AHCTF1: variants seen among roughly 807,000 people sequenced by gnomAD.
AHCTF1 encodes the protein protein ELYS.
Under a neutral mutation model 248.4 loss-of-function variants are expected in AHCTF1, and 24 were observed. The observed-to-expected ratio is 0.10, with a 90% CI of 0.07 to 0.14. AHCTF1 has a LOEUF of 0.14. Among genes scored for constraint, AHCTF1 ranks in the 10% least tolerant of loss-of-function variants. The pLI, the probability that AHCTF1 is intolerant of heterozygous loss-of-function variation, is 1.00. For synonymous variants in AHCTF1, 786 were observed against 929.8 expected, an observed-to-expected ratio of 0.85 and a Z score of 2.81; for missense variants, 2,206 against 2,636.2, an observed-to-expected ratio of 0.84 and a Z score of 3.57.
chr1:246,873,121 A>T (rs1337002494), intron 24 of AHCTF1, among the ~76,000 whole-genome samples: 3 of 152,202 alleles, frequency 2.0e-5, no homozygotes, highest in Non-Finnish European at 2.9e-5. Flanking sequence ...CCAGTCTCTG[A>T]TCTCAAGCTT....
chr1:246,931,414 C>T (rs1572489926), intron 1 of AHCTF1, 164 bp downstream of exon 1: 2 of 1,472,552 alleles, frequency 1.4e-6, no homozygotes, highest in East Asian at 5.2e-5. Flanking sequence ...CGCTCGCCCC[C>T]TCGAGCCCCA....
intron 24 of AHCTF1, among the ~76,000 whole-genome samples, chr1:246,873,278 T>C (rs904731295): frequency 1.1e-4 from 17 of 152,166 alleles, no homozygotes; most frequent in Non-Finnish European, 1.9e-4. Context: ...AATCACCATA[T>C]AAAAAAATAG....
intron 15 of AHCTF1, 44 bp downstream of exon 15, chr1:246,891,735 G>A (rs1274483541): frequency 6.3e-7 from 1 of 1,593,022 alleles, no homozygotes; most frequent in East Asian, 2.3e-5. Context: ...TAGTCAAGAA[G>A]TAAAATTTAA....
intron 34 of AHCTF1, among the ~76,000 whole-genome samples, chr1:246,843,083 T>C (rs1203451106): frequency 1.3e-5 from 2 of 152,006 alleles, no homozygotes; most frequent in Non-Finnish European, 2.9e-5. Context: ...TTCTAAGAAG[T>C]AGACAACCAG....
intron 7 of AHCTF1, among the ~76,000 whole-genome samples, chr1:246,903,134 C>T (rs532133843): frequency 6.6e-6 from 1 of 152,278 alleles, no homozygotes; most frequent in South Asian, 2.1e-4. Flanking sequence ...TTTACTGATT[C>T]CCTGAAACCC....
rs762918430 is a variant in AHCTF1 at position 246,913,374 on chromosome 1, G to A, written c.414C>T (p.Ala138=). 3 of 1,613,096 alleles carry A rather than the reference G, an allele frequency of 1.9e-6. No individual in the cohort carries two copies. The highest frequency in any genetic ancestry group is 2.2e-5 in the East Asian group (1 of 44,870). Residue 138 remains alanine (A), a synonymous_variant, in exon 4 of 36, where the codon GCC becomes GCT. Coordinates refer to ENST00000648844, the MANE Select transcript of AHCTF1 (RefSeq NM_001323342.2). ...GATGTAAATGCTGAGTGCTTGCACTGGCTCCTCCATGATTAATTATAGGTT... is the reference window on the plus strand; with the variant it reads ...GATGTAAATGCTGAGTGCTTGCACTAGCTCCTCCATGATTAATTATAGGTT... The part of the protein sequence containing the change: ...AIEPIINHGG[A]SASTQHLHPS...
chr1:246,907,864 G>A (rs1665506122), intron 4 of AHCTF1, 106 bp from the exon 5 acceptor site: 2 of 906,746 alleles, frequency 2.2e-6, no homozygotes, highest in East Asian at 5.3e-5. Flanking sequence ...TGAGTTAAAT[G>A]AAGTTAATTG....
intron 2 of AHCTF1, among the ~76,000 whole-genome samples, chr1:246,917,740 C>T (rs1186893136): frequency 6.6e-6 from 1 of 152,166 alleles, no homozygotes; most frequent in Non-Finnish European, 1.5e-5. Context: ...CAATATCTTT[C>T]ATTAGAACAA....
At chr1:246,868,988 G>A (rs7551921) in intron 24 of AHCTF1, among the ~76,000 whole-genome samples, 2 of 149,358 alleles carry the variant, frequency 1.3e-5, no homozygotes, top group Non-Finnish European at 3.0e-5. Context: ...GGGACTACAG[G>A]CGCCCGCCAC....
At chr1:246,860,293 A>G (rs2103064419) in intron 29 of AHCTF1, among the ~76,000 whole-genome samples, 1 of 152,270 alleles carries the variant, frequency 6.6e-6, no homozygotes, top group South Asian at 2.1e-4. Flanking sequence ...AAAAATTGCA[A>G]TAATTTGTTC....
intron 2 of AHCTF1, among the ~76,000 whole-genome samples, chr1:246,917,108 TAC>T (rs1371027407): frequency 6.6e-6 from 1 of 152,216 alleles, no homozygotes; most frequent in Non-Finnish European, 1.5e-5. Flanking sequence ...TTTTAAATGT[TAC>T]TCCAGCTGCT....
intron 21 of AHCTF1, among the ~76,000 whole-genome samples, chr1:246,878,167 G>A (rs1192434589): frequency 6.6e-6 from 1 of 151,860 alleles, no homozygotes; most frequent in African/African-American, 2.4e-5. Flanking sequence ...GGAGGCCAGG[G>A]TGGGCAGATC....
intron 1 of AHCTF1, among the ~76,000 whole-genome samples, chr1:246,923,593 T>C (rs1203022701): frequency 5.9e-5 from 9 of 152,172 alleles, no homozygotes; most frequent in African/African-American, 9.7e-5. Flanking sequence ...AGAGCAGACA[T>C]GTGGACTCTT....
At chr1:246,909,699 A>C (rs1416167268) in intron 4 of AHCTF1, among the ~76,000 whole-genome samples, 1 of 152,198 alleles carries the variant, frequency 6.6e-6, no homozygotes, top group Non-Finnish European at 1.5e-5. Flanking sequence ...TTCTTGATTT[A>C]ATAAGGAAAA....
At chr1:246,867,899 CCCCACACA>C in intron 24 of AHCTF1, 88 bp from the exon 25 acceptor site, 7 of 557,378 alleles carry the variant, frequency 1.3e-5, no homozygotes, top group South Asian at 4.8e-5. Context: ...ACACCCCCCC[CCCCACACA>C]CACACACACA....
chr1:246,841,005 A>G lies in AHCTF1; in HGVS notation c.6609-7T>C. 1 of 1,592,974 alleles carries G rather than the reference A, an allele frequency of 6.3e-7. No individual in the cohort carries two copies. The highest frequency in any genetic ancestry group is 8.5e-7 in the Non-Finnish European group (1 of 1,173,824). ...ACTTTCTTTTTCTGTGTTTCTGAAA[A>G]AAAAAGATATGATCAAGTAAGAATA... On this transcript the variant is annotated splice_region_variant and splice_polypyrimidine_tract_variant and intron_variant, in intron 35 of 35. Coordinates refer to ENST00000648844, the MANE Select transcript of AHCTF1 (RefSeq NM_001323342.2).
intron 1 of AHCTF1, among the ~76,000 whole-genome samples, chr1:246,920,667 G>C (rs2103237213): frequency 6.6e-6 from 1 of 152,190 alleles, no homozygotes; most frequent in African/African-American, 2.4e-5. Flanking sequence ...CTACTCGGGA[G>C]GCTGAGGCAG....
intron 1 of AHCTF1, 146 bp from the exon 2 acceptor site, chr1:246,918,523 C>T (rs769249381): frequency 1.9e-5 from 15 of 782,874 alleles, no homozygotes; most frequent in African/African-American, 1.4e-4. Context: ...TGGCCAGATG[C>T]GGAGGCTCAC....
At chr1:246,878,168 T>G (rs1248917001) in intron 21 of AHCTF1, among the ~76,000 whole-genome samples, 2 of 151,572 alleles carry the variant, frequency 1.3e-5, no homozygotes, top group Non-Finnish European at 2.9e-5. Flanking sequence ...GAGGCCAGGG[T>G]GGGCAGATCA....
Sources: gnomAD v4.1 joint callset for allele counts (sites outside exome capture counted in the v4.1 genomes callset) on GRCh38, gnomAD v4.1.1 for gene constraint, MANE v1.5 for transcripts, NCBI Gene and HGNC (gene_info 2026-07-23, HGNC 2026-07-21) for gene names.